ECHDC1: variants seen among roughly 807,000 people sequenced by gnomAD.
ECHDC1 encodes the protein ethylmalonyl-CoA decarboxylase.
In ECHDC1, 29 loss-of-function variants were observed where a neutral mutation model predicts 29.7. The ratio of observed to expected loss-of-function variants is 0.98; its 90% CI spans 0.73 to 1.33. The LOEUF (loss-of-function observed/expected upper bound fraction) is 1.33. ECHDC1 is among the 40% of genes most tolerant of loss of function. The pLI, the probability that ECHDC1 is intolerant of heterozygous loss-of-function variation, is 0.00. For missense variants in ECHDC1, 328 were observed against 350.0 expected, an observed-to-expected ratio of 0.94 and a Z score of 0.50; for synonymous variants, 126 against 123.1, an observed-to-expected ratio of 1.02 and a Z score of -0.15.
chr6:127,295,519 C>A (rs558636372), intron 5 of ECHDC1, among the ~76,000 whole-genome samples: 12 of 152,070 alleles, frequency 7.9e-5, no homozygotes, highest in South Asian at 6.2e-4. Context: ...ATAAATCAAC[C>A]AACATATGAA....
chr6:127,331,234 C>T (rs1346901815), intron 1 of ECHDC1, among the ~76,000 whole-genome samples: 2 of 151,330 alleles, frequency 1.3e-5, no homozygotes, highest in African/African-American at 4.9e-5. Context: ...AAACCTCTGC[C>T]TCCCAGCTTC....
intron 5 of ECHDC1, among the ~76,000 whole-genome samples, chr6:127,302,684 C>T (rs893201140): frequency 3.3e-5 from 5 of 152,100 alleles, no homozygotes; most frequent in Non-Finnish European, 7.4e-5. Context: ...ACAGGCCTGA[C>T]CCACTGTGCC....
chr6:127,318,585 A>C (rs1052477529), intron 3 of ECHDC1, among the ~76,000 whole-genome samples: 1 of 152,236 alleles, frequency 6.6e-6, no homozygotes, highest in Non-Finnish European at 1.5e-5. Flanking sequence ...AGAGTGTCAA[A>C]GAAGAAATTA....
At chr6:127,304,903 AC>A (rs1781330905) in intron 5 of ECHDC1, among the ~76,000 whole-genome samples, 1 of 152,208 alleles carries the variant, frequency 6.6e-6, no homozygotes, top group Admixed American at 6.5e-5. Context: ...AAGCATCCCT[AC>A]AGGATATAGA....
chr6:127,308,316 A>G (rs1205934729), intron 5 of ECHDC1, among the ~76,000 whole-genome samples: 1 of 152,244 alleles, frequency 6.6e-6, no homozygotes, highest in Non-Finnish European at 1.5e-5. Context: ...AGTGAAATTT[A>G]TCTCTGGGAT....
At chr6:127,323,452 T>G (rs1017336996) in intron 3 of ECHDC1, among the ~76,000 whole-genome samples, 1 of 152,152 alleles carries the variant, frequency 6.6e-6, no homozygotes, top group African/African-American at 2.4e-5. Context: ...TCTCAAGATC[T>G]TTGAAATAAA....
chr6:127,339,962 T>C (rs1473050838), intron 1 of ECHDC1, among the ~76,000 whole-genome samples: 1 of 152,206 alleles, frequency 6.6e-6, no homozygotes, highest in Non-Finnish European at 1.5e-5. Flanking sequence ...CACTCCTAGC[T>C]GAGGAATCTC....
At chr6:127,314,746 A>G (rs1272061404) in intron 5 of ECHDC1, 70 bp downstream of exon 5, 2 of 1,240,374 alleles carry the variant, frequency 1.6e-6, no homozygotes, top group Admixed American at 2.1e-5. Context: ...AAATATTGAT[A>G]TTAAGGCAAA....
chr6:127,333,490 C>G (rs1356345780), intron 1 of ECHDC1, among the ~76,000 whole-genome samples: 1 of 152,042 alleles, frequency 6.6e-6, no homozygotes, highest in Admixed American at 6.5e-5. Context: ...TTGATCAATA[C>G]ATACCCATGT....
intron 5 of ECHDC1, among the ~76,000 whole-genome samples, chr6:127,308,344 T>C (rs1055347392): frequency 6.6e-6 from 1 of 152,086 alleles, no homozygotes; most frequent in Non-Finnish European, 1.5e-5. Context: ...TGGTTCAACA[T>C]ACACAAATCA....
At chr6:127,300,602 A>G (rs575284424) in intron 5 of ECHDC1, among the ~76,000 whole-genome samples, 1 of 152,328 alleles carries the variant, frequency 6.6e-6, no homozygotes, top group South Asian at 2.1e-4. Flanking sequence ...AAGCATGAGA[A>G]AGAATTCAGA....
At chr6:127,313,638 T>C (rs1008990166) in intron 5 of ECHDC1, 27 of 454,416 alleles carry the variant, frequency 5.9e-5, no homozygotes, top group African/African-American at 5.4e-4. Flanking sequence ...GTATATCCAG[T>C]ATTTTTCTTA....
intron 2 of ECHDC1, 90 bp from the exon 3 acceptor site, chr6:127,327,234 C>A (rs1783435371): frequency 7.3e-7 from 1 of 1,378,010 alleles, no homozygotes; most frequent in East Asian, 2.3e-5. Flanking sequence ...CAAGCATACT[C>A]TTAGGTCCTA....
At chr6:127,296,984 G>A (rs1780656665) in intron 5 of ECHDC1, among the ~76,000 whole-genome samples, 1 of 152,018 alleles carries the variant, frequency 6.6e-6, no homozygotes, top group Non-Finnish European at 1.5e-5. Context: ...CCCAGCCTGG[G>A]TGAGACAGAG....
intron 5 of ECHDC1, among the ~76,000 whole-genome samples, chr6:127,309,536 C>G (rs1057240631): frequency 9.0e-4 from 86 of 95,780 alleles, no homozygotes; most frequent in African/African-American, 3.4e-3. Flanking sequence ...CACACACACA[C>G]AGGAAAAAAT....
chr6:127,334,893 T>G (rs1319248808), intron 1 of ECHDC1, among the ~76,000 whole-genome samples: 2 of 151,214 alleles, frequency 1.3e-5, no homozygotes, highest in Non-Finnish European at 3.0e-5. Context: ...CAATTTTTCA[T>G]TTGTTTTTCT....
rs546962095 is a variant in ECHDC1, at chr6:127,301,660, C to T, written c.498-11383G>A. On this transcript the variant is annotated intron_variant, in intron 5 of 5. Coordinates refer to ENST00000454859, the MANE Select transcript of ECHDC1 (RefSeq NM_001002030.2). ...CTAGTAATGTAGTTCATTCAGTATG[C>T]AATCCTCTCTATTAGCCTCTAACAT... is the stretch of plus-strand genomic sequence containing the variant. Among the ~76,000 whole-genome samples the T allele has an allele frequency of 1.2e-3, 181 of 152,290 alleles. 1 individual carries two copies. The highest frequency in any genetic ancestry group is 4.8e-3 in the South Asian group (23 of 4,824).
chr6:127,330,709 A>C, intron 2 of ECHDC1, 100 bp downstream of exon 2: 1 of 957,530 alleles, frequency 1.0e-6, no homozygotes, highest in Non-Finnish European at 1.6e-6. Flanking sequence ...CAAGAGTACA[A>C]GGACTTTAAA....
At chr6:127,323,855 A>G (rs1367514329) in intron 3 of ECHDC1, among the ~76,000 whole-genome samples, 2 of 152,018 alleles carry the variant, frequency 1.3e-5, no homozygotes, top group African/African-American at 2.4e-5. Context: ...GGAGCACTGA[A>G]TTCATGAAAA....
Sources: gnomAD v4.1 joint callset for allele counts (sites outside exome capture counted in the v4.1 genomes callset) on GRCh38, gnomAD v4.1.1 for gene constraint, MANE v1.5 for transcripts, NCBI Gene and HGNC (gene_info 2026-07-23, HGNC 2026-07-21) for gene names.